MUSK: variants seen among roughly 807,000 people sequenced by gnomAD.
MUSK encodes muscle associated receptor tyrosine kinase, also known as muscle, skeletal receptor tyrosine-protein kinase.
MUSK carries 55 observed loss-of-function variants against 88.7 expected under a neutral mutation model. That is an observed-to-expected ratio of 0.62 (90% CI 0.50 to 0.78). The LOEUF (loss-of-function observed/expected upper bound fraction) is 0.78. Ranked by LOEUF, MUSK falls within the 30% of genes least tolerant of loss-of-function variation. The pLI is 0.00. For synonymous variants in MUSK, 387 were observed against 391.9 expected, an observed-to-expected ratio of 0.99 and a Z score of 0.15; for missense variants, 1,015 against 1,074.3, an observed-to-expected ratio of 0.94 and a Z score of 0.77.
chr9:110,783,302 T>G (rs1391697332), intron 11 of MUSK, among the ~76,000 whole-genome samples: 1 of 152,098 alleles, frequency 6.6e-6, no homozygotes, highest in Admixed American at 6.5e-5. Context: ...CTAAAATAAT[T>G]TGAAAGAATT....
chr9:110,702,108 G>A (rs1452400388), intron 5 of MUSK, among the ~76,000 whole-genome samples: 1 of 151,238 alleles, frequency 6.6e-6, no homozygotes, highest in Non-Finnish European at 1.5e-5. Flanking sequence ...AAACACTATA[G>A]CTCCAGCAAT....
intron 7 of MUSK, among the ~76,000 whole-genome samples, chr9:110,756,185 A>G (rs1378156722): frequency 6.6e-6 from 1 of 151,542 alleles, no homozygotes; most frequent in Non-Finnish European, 1.5e-5. Flanking sequence ...ATGTCTCTCT[A>G]TTGCAGGTGG....
At chr9:110,786,695 A>G (rs1439511348) in intron 13 of MUSK, among the ~76,000 whole-genome samples, 3 of 152,224 alleles carry the variant, frequency 2.0e-5, no homozygotes, top group Non-Finnish European at 4.4e-5. Context: ...GCAAAAATTT[A>G]TAAAAAATGA....
At chr9:110,789,097 A>C (rs2077927624) in intron 14 of MUSK, among the ~76,000 whole-genome samples, 1 of 152,220 alleles carries the variant, frequency 6.6e-6, no homozygotes. Flanking sequence ...AAACAAATGG[A>C]GAGTTTCAGC....
chr9:110,758,870 T>C (rs1252251116), intron 7 of MUSK, among the ~76,000 whole-genome samples: 1 of 152,168 alleles, frequency 6.6e-6, no homozygotes, highest in Non-Finnish European at 1.5e-5. Flanking sequence ...GAAAGATCTC[T>C]GCAATAAGAA....
intron 11 of MUSK, among the ~76,000 whole-genome samples, chr9:110,781,498 G>A (rs576259474): frequency 1.0e-3 from 152 of 152,228 alleles, no homozygotes; most frequent in African/African-American, 3.0e-3. Flanking sequence ...GGATGGTCTC[G>A]ATCTCCTGAC....
chr9:110,780,682 T>A (rs1220905051), intron 11 of MUSK, among the ~76,000 whole-genome samples: 1 of 152,228 alleles, frequency 6.6e-6, no homozygotes, highest in East Asian at 1.9e-4. Context: ...TTCACTCTTT[T>A]CTAGCTTCTA....
intron 5 of MUSK, chr9:110,728,769 A>T (rs770795767): frequency 6.8e-7 from 1 of 1,468,650 alleles, no homozygotes; most frequent in African/African-American, 1.4e-5. Context: ...AGCTCTTTTC[A>T]ATTGTTTATT....
chr9:110,731,149 A>G (rs1357334470), intron 5 of MUSK, among the ~76,000 whole-genome samples: 1 of 152,126 alleles, frequency 6.6e-6, no homozygotes, highest in Non-Finnish European at 1.5e-5. Flanking sequence ...ATATATATAT[A>G]CCATGCAGGG....
intron 5 of MUSK, among the ~76,000 whole-genome samples, chr9:110,711,911 T>C (rs1406281658): frequency 2.0e-5 from 3 of 152,170 alleles, no homozygotes; most frequent in African/African-American, 7.2e-5. Flanking sequence ...TGGGAGCTGT[T>C]TTAAAGCTTT....
chr9:110,787,584 C>T (rs895833529), intron 13 of MUSK, 106 bp from the exon 14 acceptor site: 3 of 1,159,122 alleles, frequency 2.6e-6, no homozygotes, highest in Non-Finnish European at 3.5e-6. Context: ...GAGACTTAAC[C>T]AGCCTTTTAC....
chr9:110,678,139 T>C (rs1587881575), intron 1 of MUSK, among the ~76,000 whole-genome samples: 2 of 152,238 alleles, frequency 1.3e-5, no homozygotes, highest in African/African-American at 4.8e-5. Context: ...TGAGACAAGG[T>C]CTTTCTCTGT....
intron 1 of MUSK, among the ~76,000 whole-genome samples, chr9:110,681,109 T>TATATAATATATA (rs2076125068): frequency 1.8e-5 from 1 of 54,316 alleles, no homozygotes; most frequent in East Asian, 1.3e-3. Context: ...TAATATATAT[T>TATATAATATATA]ATATATAATA....
intron 6 of MUSK, among the ~76,000 whole-genome samples, chr9:110,740,704 T>C (rs767644642): frequency 1.3e-5 from 2 of 152,150 alleles, no homozygotes; most frequent in East Asian, 1.9e-4. Flanking sequence ...CCCTGAGGCA[T>C]CTCCATGTAA....
intron 3 of MUSK, among the ~76,000 whole-genome samples, chr9:110,690,423 A>AAT (rs1554736349): frequency 3.4e-4 from 7 of 20,810 alleles, no homozygotes; most frequent in African/African-American, 1.3e-3. Context: ...TTTAAATATA[A>AAT]ATATATATTT....
At chr9:110,717,741 T>A (rs1016042375) in intron 5 of MUSK, among the ~76,000 whole-genome samples, 1 of 151,050 alleles carries the variant, frequency 6.6e-6, no homozygotes, top group African/African-American at 2.5e-5. Context: ...TGACAGATAT[T>A]TTCCCTCAGT....
chr9:110,800,879 T>G lies in MUSK; in HGVS notation c.2501T>G (p.Leu834Arg). ...AACTGCCCCGTGGAGCTGTACAATC[T>G]CATGCGTCTATGTTGGAGCAAGCTG... ...PENCPVELYNLMRLCWSKLPA... is the reference protein window; with the variant it reads ...PENCPVELYNRMRLCWSKLPA... The change falls in exon 15 of 15, where the codon CTC (leucine) becomes CGC (arginine). Residue 834 changes from leucine to arginine, a missense_variant. Coordinates refer to ENST00000374448, the MANE Select transcript of MUSK (RefSeq NM_005592.4). 1 of 1,582,724 alleles carries G rather than the reference T, an allele frequency of 6.3e-7. No individual in the cohort carries two copies. The highest frequency in any genetic ancestry group is 8.6e-7 in the Non-Finnish European group (1 of 1,163,242).
At chr9:110,725,718 T>A (rs143155375) in intron 5 of MUSK, among the ~76,000 whole-genome samples, 246 of 152,114 alleles carry the variant, frequency 1.6e-3, no homozygotes, top group African/African-American at 5.7e-3. Flanking sequence ...GCAACAAAAG[T>A]CTGATACTAA....
chr9:110,682,756 C>A lies in MUSK; in HGVS notation c.162C>A (p.Tyr54Ter), dbSNP rs2076149264. ...CTTTCATGTGTGCAGTGGAATCCTACCCCCAGCCTGAGATTTCCTGGACTA... is the reference window on the plus strand; with the variant it reads ...CTTTCATGTGTGCAGTGGAATCCTAACCCCAGCCTGAGATTTCCTGGACTA... The part of the protein sequence containing the change: ...VATFMCAVES[Y>*]PQPEISWTRN... The change falls in exon 2 of 15, where the codon TAC (tyrosine) becomes TAA (stop). Residue 54 changes from tyrosine (Y) to a stop codon, truncating the protein, a stop_gained. Coordinates refer to ENST00000374448, the MANE Select transcript of MUSK (RefSeq NM_005592.4). LOFTEE classifies it high-confidence loss of function. The A allele has an allele frequency of 6.2e-7, 1 of 1,612,466 alleles. No individual in the cohort carries two copies. The highest frequency in any genetic ancestry group is 8.5e-7 in the Non-Finnish European group (1 of 1,178,832).
Sources: allele counts gnomAD v4.1 joint callset (sites outside exome capture counted in the v4.1 genomes callset), GRCh38; gene constraint gnomAD v4.1.1; transcripts MANE v1.5; gene names NCBI Gene and HGNC (gene_info 2026-07-23, HGNC 2026-07-21).